The following DSCAM variants were observed in gnomAD, a reference collection of about 807,000 sequenced individuals.
DSCAM encodes the protein DS cell adhesion molecule.
DSCAM carries 47 observed loss-of-function variants against 217.7 expected under a neutral mutation model. The ratio of observed to expected loss-of-function variants is 0.22; its 90% CI spans 0.17 to 0.28. The LOEUF (loss-of-function observed/expected upper bound fraction) is 0.28, where lower values mean the gene tolerates loss of function less well. DSCAM is among the 10% of genes least tolerant of loss of function. The pLI, the probability that DSCAM is intolerant of heterozygous loss-of-function variation, is 1.00. For synonymous variants in DSCAM, 1,056 were observed against 1,015.3 expected, an observed-to-expected ratio of 1.04 and a Z score of -0.76; for missense variants, 2,080 against 2,618.3, an observed-to-expected ratio of 0.79 and a Z score of 4.49.
At chr21:40,014,145 C>A (rs1470988100) in intron 32 of DSCAM, among the ~76,000 whole-genome samples, 1 of 152,220 alleles carries the variant, frequency 6.6e-6, no homozygotes, top group East Asian at 1.9e-4. Context: ...AATCCTAGAA[C>A]TTCGGGAGGC....
chr21:40,323,877 G>A (rs1464405622), intron 8 of DSCAM, among the ~76,000 whole-genome samples: 1 of 151,966 alleles, frequency 6.6e-6, no homozygotes, highest in Admixed American at 6.6e-5. Context: ...GCTGAGGTGG[G>A]CGGATCATCT....
intron 3 of DSCAM, among the ~76,000 whole-genome samples, chr21:40,637,650 T>TAAATATA (rs1491367143): frequency 2.5e-5 from 1 of 40,274 alleles, no homozygotes; most frequent in Non-Finnish European, 4.4e-5. Flanking sequence ...TAAATATATA[T>TAAATATA]CTATATATAT....
chr21:40,497,916 C>T (rs571764034), intron 3 of DSCAM, among the ~76,000 whole-genome samples: 1 of 152,140 alleles, frequency 6.6e-6, no homozygotes, highest in African/African-American at 2.4e-5. Flanking sequence ...GTCAAAATAA[C>T]GTGGATTTTG....
chr21:40,349,293 G>A (rs190957608), intron 5 of DSCAM, among the ~76,000 whole-genome samples: 1 of 151,796 alleles, frequency 6.6e-6, no homozygotes, highest in Non-Finnish European at 1.5e-5. Context: ...GGTTTACCCA[G>A]GGCCAATAAC....
At position 40,692,938 on chromosome 21, in the gene DSCAM, G is replaced by A; in HGVS notation, c.380C>T (p.Thr127Ile). Reference protein sequence around the residue: ...HIKAVLREPYTVRVEDQKTMR... With the variant: ...HIKAVLREPYIVRVEDQKTMR... The stretch of plus-strand genomic sequence containing the variant: ...GGTTTTCTGGTCCTCCACACGGACT[G>A]TATAGGGCTCCCGTAAAACTGGAAG... The change falls in exon 3 of 33, where the codon ACA (threonine) becomes ATA (isoleucine). Residue 127 changes from threonine (T) to isoleucine (I), a missense_variant. Transcript: ENST00000400454. 1.2e-6 allele frequency: 2 copies of A among 1,608,434 alleles called. No homozygotes were observed. The highest frequency in any genetic ancestry group is 1.7e-6 in the Non-Finnish European group (2 of 1,175,382).
chr21:40,203,291 T>C (rs1054053751), intron 11 of DSCAM, among the ~76,000 whole-genome samples: 1 of 152,254 alleles, frequency 6.6e-6, no homozygotes, highest in African/African-American at 2.4e-5. Context: ...TGCAGATATC[T>C]ACCATACATG....
At chr21:40,377,691 C>T (rs1173503639) in intron 3 of DSCAM, among the ~76,000 whole-genome samples, 3 of 151,846 alleles carry the variant, frequency 2.0e-5, no homozygotes, top group African/African-American at 7.3e-5. Flanking sequence ...TTTAGTAACT[C>T]CCCAGGAAGG....
At chr21:40,329,849 T>C (rs901404697) in intron 8 of DSCAM, among the ~76,000 whole-genome samples, 25 of 152,088 alleles carry the variant, frequency 1.6e-4, no homozygotes, top group African/African-American at 5.5e-4. Flanking sequence ...GTTGATCTTA[T>C]AGAAGTAGAA....
At chr21:40,090,637 C>A (rs186314793) in intron 21 of DSCAM, among the ~76,000 whole-genome samples, 3 of 152,272 alleles carry the variant, frequency 2.0e-5, no homozygotes, top group East Asian at 1.9e-4. Context: ...GGCTTTTCCC[C>A]TTTTCCTTTG....
intron 3 of DSCAM, among the ~76,000 whole-genome samples, chr21:40,517,625 C>T (rs1386789798): frequency 1.3e-5 from 2 of 152,206 alleles, no homozygotes; most frequent in East Asian, 1.9e-4. Flanking sequence ...TTAGCCCATT[C>T]TACCTGGAAC....
At chr21:40,483,678 A>G (rs1367153517) in intron 3 of DSCAM, among the ~76,000 whole-genome samples, 2 of 152,198 alleles carry the variant, frequency 1.3e-5, no homozygotes, top group Admixed American at 6.5e-5. Context: ...TTTAACAACT[A>G]TGAATACCCA....
chr21:40,276,876 C>CA (rs2073693942), intron 10 of DSCAM, among the ~76,000 whole-genome samples: 1 of 152,036 alleles, frequency 6.6e-6, no homozygotes, highest in East Asian at 1.9e-4. Flanking sequence ...CCTCTCTCCT[C>CA]AGAGTGCTTC....
intron 11 of DSCAM, among the ~76,000 whole-genome samples, chr21:40,226,654 G>C (rs449728): frequency 0.97 from 147,922 of 152,300 alleles, 71,902 homozygotes; most frequent in Middle Eastern, 0.99. Flanking sequence ...AATGTTTAGA[G>C]ACCTCTTTCA....
chr21:40,642,962 A>G (rs74660306), intron 3 of DSCAM, among the ~76,000 whole-genome samples: 4,610 of 152,264 alleles, frequency 0.03, 200 homozygotes, highest in African/African-American at 0.094. Flanking sequence ...ATAAGAGCAT[A>G]GAGCCTGGAC....
At chr21:40,652,044 C>T (rs1045791582) in intron 3 of DSCAM, among the ~76,000 whole-genome samples, 1 of 151,888 alleles carries the variant, frequency 6.6e-6, no homozygotes, top group Non-Finnish European at 1.5e-5. Context: ...GCATTCTTTT[C>T]TCAGGGGAAA....
intron 1 of DSCAM, among the ~76,000 whole-genome samples, chr21:40,813,121 C>T (rs1030937965): frequency 7.2e-5 from 11 of 152,058 alleles, no homozygotes; most frequent in African/African-American, 1.7e-4. Flanking sequence ...AAAGCTCATG[C>T]GCATAAAAGT....
At chr21:40,682,649 G>A (rs1197031090) in intron 3 of DSCAM, among the ~76,000 whole-genome samples, 1 of 58,408 alleles carries the variant, frequency 1.7e-5, no homozygotes, top group South Asian at 9.7e-4. Context: ...AAGAGGAAGG[G>A]AAGGGAAGGG....
chr21:40,177,772 A>G (rs2090749384), intron 15 of DSCAM, among the ~76,000 whole-genome samples: 1 of 152,234 alleles, frequency 6.6e-6, no homozygotes, highest in Non-Finnish European at 1.5e-5. Context: ...AAAGTACTTA[A>G]GAGATACATA....
At chr21:40,494,235 A>G (rs1014580511) in intron 3 of DSCAM, among the ~76,000 whole-genome samples, 1 of 152,198 alleles carries the variant, frequency 6.6e-6, no homozygotes, top group African/African-American at 2.4e-5. Context: ...TAAATTTTAC[A>G]ACAAAAAGAC....
Sources: allele counts gnomAD v4.1 joint callset (sites outside exome capture counted in the v4.1 genomes callset), GRCh38; gene constraint gnomAD v4.1.1; transcripts MANE v1.5; gene names NCBI Gene and HGNC (gene_info 2026-07-23, HGNC 2026-07-21).